ZBTB20: variants seen among roughly 807,000 people sequenced by gnomAD.
ZBTB20 encodes zinc finger and BTB domain-containing protein 20.
A neutral mutation model predicts 56.9 loss-of-function variants in ZBTB20; 9 were observed. The ratio of observed to expected loss-of-function variants is 0.16; its 90% CI spans 0.10 to 0.28. ZBTB20 has a LOEUF of 0.28. Among genes scored for constraint, ZBTB20 ranks in the 10% least tolerant of loss-of-function variants. The pLI, the probability that ZBTB20 is intolerant of heterozygous loss-of-function variation, is 1.00. For synonymous variants in ZBTB20, 417 were observed against 420.7 expected, an observed-to-expected ratio of 0.99 and a Z score of 0.11; for missense variants, 655 against 1,003.0, an observed-to-expected ratio of 0.65 and a Z score of 4.69.
At chr3:114,997,606 G>A (rs1195413210) in intron 2 of ZBTB20, among the ~76,000 whole-genome samples, 1 of 151,432 alleles carries the variant, frequency 6.6e-6, no homozygotes, top group East Asian at 2.0e-4. Context: ...TTCGAATGTT[G>A]ATAACAAAGG....
intron 7 of ZBTB20, among the ~76,000 whole-genome samples, chr3:114,459,194 CT>C (rs1036468543): frequency 6.6e-6 from 1 of 152,068 alleles, no homozygotes; most frequent in Non-Finnish European, 1.5e-5. Flanking sequence ...TTTCAAGCAC[CT>C]TTTTTTCTGG....
At chr3:114,478,170 T>A (rs1311086092) in intron 7 of ZBTB20, among the ~76,000 whole-genome samples, 1 of 152,032 alleles carries the variant, frequency 6.6e-6, no homozygotes, top group African/African-American at 2.4e-5. Flanking sequence ...TTCTCCATGT[T>A]GGTCAGGCTG....
At chr3:114,591,777 C>T (rs1315532882) in intron 6 of ZBTB20, among the ~76,000 whole-genome samples, 1 of 152,094 alleles carries the variant, frequency 6.6e-6, no homozygotes, top group Admixed American at 6.5e-5. Context: ...CATTTCAGTC[C>T]TCCCTCTGAA....
chr3:114,746,284 T>C (rs1386429164), intron 5 of ZBTB20, among the ~76,000 whole-genome samples: 1 of 152,226 alleles, frequency 6.6e-6, no homozygotes, highest in Non-Finnish European at 1.5e-5. Context: ...CTGAGTTTTC[T>C]GCTTTGGGTA....
intron 2 of ZBTB20, among the ~76,000 whole-genome samples, chr3:114,990,198 C>T (rs964573118): frequency 2.6e-5 from 4 of 152,114 alleles, no homozygotes; most frequent in Admixed American, 6.6e-5. Flanking sequence ...AAAGGGAATG[C>T]TTCCAGTTTT....
At chr3:114,428,893 G>C (rs1365622961) in intron 7 of ZBTB20, among the ~76,000 whole-genome samples, 1 of 152,134 alleles carries the variant, frequency 6.6e-6, no homozygotes, top group Non-Finnish European at 1.5e-5. Context: ...TTCTGTAGTT[G>C]GCAATTCTAG....
chr3:114,318,292 G>C lies in ZBTB20; in HGVS notation c.*20713C>G, dbSNP rs1051756705. The C allele has an allele frequency of 6.6e-6, 1 of 152,226 alleles. No individual in the cohort carries two copies. The highest frequency in any genetic ancestry group is 2.4e-5 in the African/African-American group (1 of 41,440). The allele number at this position is 152,226 out of a possible 1,614,324, so 9.4% of individuals were successfully genotyped here. A position where few individuals can be genotyped will look rare whatever the true frequency, so the allele number is the denominator to read the frequency against. On this transcript the variant is annotated 3_prime_UTR_variant, in exon 12 of 12. Coordinates refer to ENST00000675478, the MANE Select transcript of ZBTB20 (RefSeq NM_001348800.3). ...TCTTGCCCCACCTTCCTGAGGGCTG[G>C]GGGGCCTTCACACCACCCACAGCCA...
chr3:115,067,510 T>C (rs1372523030), intron 2 of ZBTB20, among the ~76,000 whole-genome samples: 2 of 146,970 alleles, frequency 1.4e-5, no homozygotes, highest in Non-Finnish European at 3.0e-5. Flanking sequence ...ATTTTCAACA[T>C]AACAGAAAGA....
At chr3:114,605,359 A>C (rs952474619) in intron 6 of ZBTB20, among the ~76,000 whole-genome samples, 7 of 152,126 alleles carry the variant, frequency 4.6e-5, no homozygotes, top group East Asian at 1.9e-4. Context: ...TTGTCCCATG[A>C]CTTTTTGGTA....
intron 6 of ZBTB20, among the ~76,000 whole-genome samples, chr3:114,522,726 G>C (rs1384343433): frequency 1.3e-5 from 2 of 152,010 alleles, no homozygotes; most frequent in Non-Finnish European, 2.9e-5. Flanking sequence ...TCAATGGTTG[G>C]GTTTGTGAGA....
In ZBTB20 at chr3:115,142,922, A is replaced by G. The variant is rs191255249; in HGVS notation, c.-703+4297T>C. ...CCACGGCACAGGATGGGAGGGCTGG[A>G]GGAGGGAGGATTGTATTAAAAAAAG... On this transcript the variant is annotated intron_variant, in intron 1 of 11. Coordinates refer to ENST00000675478, the MANE Select transcript of ZBTB20 (RefSeq NM_001348800.3). Among the ~76,000 whole-genome samples the G allele has an allele frequency of 6.6e-3, 1,001 of 152,232 alleles. 9 individuals are homozygous for G. The highest frequency in any genetic ancestry group is 0.022 in the African/African-American group (922 of 41,530).
intron 10 of ZBTB20, among the ~76,000 whole-genome samples, chr3:114,364,494 T>A (rs539076132): frequency 1.3e-5 from 2 of 152,194 alleles, no homozygotes; most frequent in South Asian, 4.1e-4. Flanking sequence ...GCAAACAACA[T>A]CAGGGAAGCT....
chr3:114,440,619 G>GA (rs2090850476), intron 7 of ZBTB20, among the ~76,000 whole-genome samples: 1 of 152,086 alleles, frequency 6.6e-6, no homozygotes, highest in South Asian at 2.1e-4. Context: ...GCATAGGGGA[G>GA]AAAAAAGCTT....
intron 6 of ZBTB20, among the ~76,000 whole-genome samples, chr3:114,611,309 T>C (rs1345018152): frequency 1.3e-5 from 2 of 152,160 alleles, no homozygotes; most frequent in African/African-American, 4.8e-5. Context: ...CAGAATCCCC[T>C]GTGCAGATCG....
chr3:114,487,757 C>G (rs982185771), intron 7 of ZBTB20, among the ~76,000 whole-genome samples: 1 of 152,298 alleles, frequency 6.6e-6, no homozygotes, highest in African/African-American at 2.4e-5. Context: ...AATTCTCTAG[C>G]GTCTTTCACT....
At chr3:114,342,044 C>G (rs920209523) in intron 11 of ZBTB20, among the ~76,000 whole-genome samples, 2 of 152,136 alleles carry the variant, frequency 1.3e-5, no homozygotes, top group Non-Finnish European at 2.9e-5. Context: ...AAGGAAGGTG[C>G]TCTCTATAAT....
rs72960362 is a variant in ZBTB20 at position 114,986,072 on chromosome 3, A to T, written c.-506-11656T>A. Among the ~76,000 whole-genome samples the T allele has an allele frequency of 5.9e-3, 899 of 152,234 alleles. 12 individuals carry two copies. The highest frequency in any genetic ancestry group is 0.021 in the African/African-American group (870 of 41,550). On this transcript the variant is annotated intron_variant, in intron 2 of 11. Transcript: ENST00000675478. ...AGTTTATATATGGGGAGATTTAGAAAGAAAATTTGATCAGAAAGTGTGTTA... is the reference window on the plus strand; with the variant it reads ...AGTTTATATATGGGGAGATTTAGAATGAAAATTTGATCAGAAAGTGTGTTA...
chr3:114,545,870 T>C (rs1297097175), intron 6 of ZBTB20, among the ~76,000 whole-genome samples: 2 of 152,208 alleles, frequency 1.3e-5, no homozygotes, highest in Non-Finnish European at 2.9e-5. Context: ...CTAAGTCTTT[T>C]TTTAACCCCG....
intron 1 of ZBTB20, among the ~76,000 whole-genome samples, chr3:115,120,690 G>A (rs931395326): frequency 7.2e-5 from 11 of 152,092 alleles, no homozygotes; most frequent in African/African-American, 2.2e-4. Context: ...GTTGTAAAAA[G>A]TGAAATAATT....
Sources: allele counts gnomAD v4.1 joint callset (sites outside exome capture counted in the v4.1 genomes callset), GRCh38; gene constraint gnomAD v4.1.1; transcripts MANE v1.5; gene names NCBI Gene and HGNC (gene_info 2026-07-23, HGNC 2026-07-21).